EYA4: variants seen among roughly 807,000 people sequenced by gnomAD.
EYA4 encodes protein phosphatase EYA4.
In EYA4, 31 loss-of-function variants were observed where a neutral mutation model predicts 87.9. That is an observed-to-expected ratio of 0.35 (90% CI 0.27 to 0.48). The LOEUF is 0.48. EYA4 is among the 20% of genes least tolerant of loss of function. The pLI is 0.99. For missense variants in EYA4, 678 were observed against 761.4 expected (o/e 0.89, Z 1.29); for synonymous variants, 263 against 270.6 (o/e 0.97, Z 0.28).
At chr6:133,294,589 A>G (rs909476149) in intron 2 of EYA4, among the ~76,000 whole-genome samples, 3 of 151,802 alleles carry the variant, frequency 2.0e-5, no homozygotes, top group Non-Finnish European at 4.4e-5. Flanking sequence ...TTATTTTGAA[A>G]TGGAGTCTTG....
chr6:133,414,451 G>A (rs986481149), intron 3 of EYA4, among the ~76,000 whole-genome samples: 2 of 152,240 alleles, frequency 1.3e-5, no homozygotes, highest in Non-Finnish European at 2.9e-5. Context: ...CTGATTTGAT[G>A]TTACCTTTAC....
At chr6:133,486,769 C>T (rs1796719944) in intron 13 of EYA4, among the ~76,000 whole-genome samples, 1 of 152,028 alleles carries the variant, frequency 6.6e-6, no homozygotes, top group South Asian at 2.1e-4. Flanking sequence ...TCTAGTGTGG[C>T]TGGAAGGTTG....
intron 2 of EYA4, among the ~76,000 whole-genome samples, chr6:133,359,404 G>A (rs893845612): frequency 6.6e-6 from 1 of 152,210 alleles, no homozygotes. Flanking sequence ...CTGTTGAGGT[G>A]TGAAAGGCCC....
At position 133,525,182 on chromosome 6, in the gene EYA4, G is replaced by A; in HGVS notation, c.1767G>A (p.Met589Ile). 6.2e-7 allele frequency: 1 copy of A among 1,613,758 alleles called. No individual in the cohort carries two copies. Among genetic ancestry groups the A allele is most frequent in the Non-Finnish European group, 8.5e-7 (1 of 1,179,774 alleles). ...IGKESCFERI[M>I]QRFGRKVVYV... is the part of the protein sequence containing the mutation. ...AAGAAAGTTGCTTTGAACGAATAATGCAAAGGTTTGGCAGAAAAGTAGTGT... is the reference window on the plus strand; with the variant it reads ...AAGAAAGTTGCTTTGAACGAATAATACAAAGGTTTGGCAGAAAAGTAGTGT... The change falls in exon 19 of 20, where the codon ATG becomes ATA. Residue 589 changes from methionine (M) to isoleucine (I), a missense_variant. By Grantham distance (10) the Met-to-Ile change is conservative. Coordinates refer to ENST00000355286, the MANE Select transcript of EYA4 (RefSeq NM_004100.5).
chr6:133,366,209 G>A (rs1784838103), intron 2 of EYA4, among the ~76,000 whole-genome samples: 1 of 152,154 alleles, frequency 6.6e-6, no homozygotes, highest in South Asian at 2.1e-4. Context: ...GGAAAGGGAG[G>A]ACTCAGTGAC....
intron 13 of EYA4, among the ~76,000 whole-genome samples, chr6:133,487,586 C>T (rs571462509): frequency 1.4e-4 from 21 of 152,246 alleles, no homozygotes; most frequent in African/African-American, 4.8e-4. Flanking sequence ...GGCTCCAGTT[C>T]CAGGCCCTGG....
intron 13 of EYA4, among the ~76,000 whole-genome samples, chr6:133,491,191 A>G (rs1797121147): frequency 6.6e-6 from 1 of 152,092 alleles, no homozygotes; most frequent in South Asian, 2.1e-4. Context: ...ACTAAACCCT[A>G]TGGAATACAG....
intron 3 of EYA4, among the ~76,000 whole-genome samples, chr6:133,400,489 C>T (rs1299097416): frequency 7.9e-6 from 1 of 125,940 alleles, no homozygotes; most frequent in Non-Finnish European, 1.8e-5. Flanking sequence ...GCTTGGGTGA[C>T]AAAGCAAGAC....
At chr6:133,465,892 T>G (rs1461890465) in intron 10 of EYA4, among the ~76,000 whole-genome samples, 1 of 152,184 alleles carries the variant, frequency 6.6e-6, no homozygotes, top group Non-Finnish European at 1.5e-5. Context: ...TTAAACGGTG[T>G]AATTTAGCAT....
intron 11 of EYA4, among the ~76,000 whole-genome samples, chr6:133,478,788 A>G (rs1795960270): frequency 6.6e-6 from 1 of 152,126 alleles, no homozygotes; most frequent in South Asian, 2.1e-4. Context: ...TCCTACAACC[A>G]CAGTCTTTTC....
chr6:133,439,069 A>AG (rs1331625294), intron 3 of EYA4, among the ~76,000 whole-genome samples: 49 of 151,442 alleles, frequency 3.2e-4, no homozygotes, highest in South Asian at 4.2e-4. Context: ...AAAAAAAAAA[A>AG]AAAAAAAGTC....
intron 13 of EYA4, among the ~76,000 whole-genome samples, chr6:133,488,765 C>G (rs757132412): frequency 3.9e-5 from 6 of 152,174 alleles, no homozygotes; most frequent in Non-Finnish European, 7.4e-5. Flanking sequence ...CAAGTTCCTT[C>G]AGATACCTCA....
chr6:133,285,173 T>C (rs1777947591), intron 2 of EYA4, among the ~76,000 whole-genome samples: 1 of 152,090 alleles, frequency 6.6e-6, no homozygotes, highest in Non-Finnish European at 1.5e-5. Context: ...ATTTTTTGTA[T>C]TTTTAGTAGA....
intron 3 of EYA4, among the ~76,000 whole-genome samples, chr6:133,385,385 C>T (rs1449185939): frequency 1.6e-4 from 7 of 43,474 alleles, no homozygotes; most frequent in African/African-American, 2.9e-4. Context: ...TGTATGTATG[C>T]TCTCTCTGTG....
intron 3 of EYA4, among the ~76,000 whole-genome samples, chr6:133,413,523 T>C (rs956669199): frequency 1.5e-4 from 23 of 152,180 alleles, no homozygotes; most frequent in Non-Finnish European, 3.2e-4. Flanking sequence ...TTTTTTAGCT[T>C]TCTAAGACAG....
chr6:133,454,574 A>T (rs529139532), intron 5 of EYA4, among the ~76,000 whole-genome samples: 1 of 152,236 alleles, frequency 6.6e-6, no homozygotes, highest in Non-Finnish European at 1.5e-5. Flanking sequence ...AAAGATGATG[A>T]TATTATCTAC....
chr6:133,376,529 C>A (rs537110350), intron 2 of EYA4, among the ~76,000 whole-genome samples: 12 of 151,742 alleles, frequency 7.9e-5, no homozygotes, highest in Non-Finnish European at 1.6e-4. Flanking sequence ...GATTTGTAAT[C>A]AGAACTATTC....
intron 13 of EYA4, among the ~76,000 whole-genome samples, chr6:133,501,869 G>A (rs995409920): frequency 1.6e-4 from 24 of 152,204 alleles, no homozygotes; most frequent in Admixed American, 2.6e-4. Context: ...GCAGAGGCCC[G>A]TAGACAGACA....
At chr6:133,315,173 T>C (rs558226213) in intron 2 of EYA4, among the ~76,000 whole-genome samples, 1 of 152,262 alleles carries the variant, frequency 6.6e-6, no homozygotes, top group Admixed American at 6.5e-5. Context: ...CAGAATTTCA[T>C]TTTTGAGGCC....
Sources: allele counts gnomAD v4.1 joint callset (sites outside exome capture counted in the v4.1 genomes callset), GRCh38; gene constraint gnomAD v4.1.1; transcripts MANE v1.5; gene names NCBI Gene and HGNC (gene_info 2026-07-23, HGNC 2026-07-21).